Variants in ABCD4 observed in about 807,000 individuals in gnomAD.
ABCD4 encodes ATP binding cassette subfamily D member 4, also known as lysosomal cobalamin transporter ABCD4.
In ABCD4, 53 loss-of-function variants were observed where a neutral mutation model predicts 86.3. The ratio of observed to expected loss-of-function variants is 0.61; its 90% CI spans 0.49 to 0.77. The LOEUF (loss-of-function observed/expected upper bound fraction) is 0.77, where lower values mean the gene tolerates loss of function less well. Ranked by LOEUF, ABCD4 falls within the 30% of genes least tolerant of loss-of-function variation. The pLI is 0.00. For synonymous variants in ABCD4, 328 were observed against 313.6 expected, an observed-to-expected ratio of 1.05 and a Z score of -0.49; for missense variants, 757 against 764.5, an observed-to-expected ratio of 0.99 and a Z score of 0.12.
chr14:74,300,291 G>C (rs771159587), intron 1 of ABCD4, 23 bp from the exon 2 acceptor site: 3 of 1,498,846 alleles, frequency 2.0e-6, no homozygotes, highest in Non-Finnish European at 2.8e-6. Flanking sequence ...TGGGGAGGCA[G>C]AGAAAAGCCC....
chr14:74,297,159 G>C (rs1273011229), intron 4 of ABCD4: 1 of 152,294 alleles, frequency 6.6e-6, no homozygotes, highest in Non-Finnish European at 1.5e-5. Context: ...CAAGTCACTT[G>C]CAATCTCTGG....
intron 3 of ABCD4, chr14:74,299,032 G>C (rs1378113542): frequency 6.4e-6 from 1 of 156,272 alleles, no homozygotes; most frequent in Non-Finnish European, 1.4e-5. Context: ...ACACAAAGGA[G>C]AAAGCTGAGA....
At chr14:74,300,372 T>C (rs962000380) in intron 1 of ABCD4, 104 bp from the exon 2 acceptor site, 31 of 725,482 alleles carry the variant, frequency 4.3e-5, no homozygotes, top group African/African-American at 8.9e-5. Context: ...GTCCAGGCCA[T>C]GCAGAAAGAA....
At chr14:74,297,896 CAG>C (rs1331623705) in intron 4 of ABCD4, 32 bp downstream of exon 4, 37 of 1,592,344 alleles carry the variant, frequency 2.3e-5, no homozygotes, top group Non-Finnish European at 3.0e-5. Context: ...AAGGACCACA[CAG>C]AGTGTAGAAA....
intron 11 of ABCD4, 106 bp downstream of exon 11, chr14:74,292,181 A>G (rs1456830220): frequency 9.6e-7 from 1 of 1,039,036 alleles, no homozygotes; most frequent in East Asian, 2.4e-5. Context: ...TTTACTCCTT[A>G]CAACTCTGCT....
intron 14 of ABCD4, 63 bp from the exon 15 acceptor site, chr14:74,288,828 G>A (rs2080582497): frequency 1.3e-6 from 2 of 1,579,546 alleles, no homozygotes; most frequent in Non-Finnish European, 1.7e-6. Flanking sequence ...AATAGACAGG[G>A]CAAGGCTGTG....
At position 74,296,522 on chromosome 14, in the gene ABCD4, C is replaced by T. The variant is rs959600427; in HGVS notation, c.426-73G>A. 4 of 1,348,178 alleles carry T rather than the reference C, an allele frequency of 3.0e-6. No homozygotes were observed. In the African/African-American group the frequency reaches 5.7e-5, roughly 19 times the overall value. 83.5% of individuals were successfully genotyped at this position (1,348,178 alleles called of 1,614,324 possible). ...AGGTAGAGAGAACAAGAAACTTTCA[C>T]ATCACCTCTGCTCTTGACCTTGCCT... On this transcript the variant is annotated intron_variant, in intron 4 of 18. Transcript: ENST00000356924.
chr14:74,302,836 C>G, intron 1 of ABCD4, 39 bp downstream of exon 1: 1 of 1,599,902 alleles, frequency 6.3e-7, no homozygotes, highest in African/African-American at 1.3e-5. Flanking sequence ...CAGCCCGGAA[C>G]TCCTGCTCCC....
rs574925291 is a variant in ABCD4 at position 74,296,427 on chromosome 14, C to T, written c.448G>A (p.Val150Met). ...DNPDQRISQD[V>M]ERFCRQLSSM... ...CTGAGCTGCCGGCAGAATCGCTCCA[C>T]GTCCTGGCTGATGCGCTGGTCCCTG... Residue 150 changes from valine to methionine, a missense_variant, in exon 5 of 19, where the codon GTG (valine) becomes ATG (methionine). Coordinates refer to ENST00000356924, the MANE Select transcript of ABCD4 (RefSeq NM_005050.4). 5.6e-5 allele frequency: 90 copies of T among 1,614,092 alleles called. No individual in the cohort carries two copies. The highest frequency in any genetic ancestry group is 1.9e-4 in the South Asian group (17 of 91,080).
chr14:74,286,216 T>C lies in ABCD4; in HGVS notation c.*245A>G, dbSNP rs1764609893. The C allele has an allele frequency of 6.3e-6, 3 of 473,608 alleles. No individual in the cohort carries two copies. In the South Asian group the frequency reaches 9.8e-5, roughly 16 times the overall value. 29.3% of individuals were successfully genotyped at this position (473,608 alleles called of 1,614,324 possible). A position where few individuals can be genotyped will look rare whatever the true frequency, so the allele number is the denominator to read the frequency against. ...TTGTAGGTAATCAGCACTTCAAGCA[T>C]ATGGAGGCTCTGGCTGAGGCAGCAG... is the stretch of plus-strand genomic sequence containing the variant. On this transcript the variant is annotated 3_prime_UTR_variant, in exon 19 of 19. Coordinates refer to ENST00000356924, the MANE Select transcript of ABCD4 (RefSeq NM_005050.4).
chr14:74,290,066 T>A lies in ABCD4; in HGVS notation c.1380A>T (p.Pro460=). ...DFGPHGVLFL[P]QKPFFTDGTL... Reference sequence around the variant, plus strand: ...TCCCGTCAGTGAAGAATGGCTTTTGTGGCAGGAATAGCACCCCATGGGGCC... The same window carrying A: ...TCCCGTCAGTGAAGAATGGCTTTTGAGGCAGGAATAGCACCCCATGGGGCC... Residue 460 remains proline (P), a synonymous_variant, in exon 13 of 19, where the codon CCA becomes CCT. Transcript: ENST00000356924. The A allele has an allele frequency of 6.2e-7, 1 of 1,614,136 alleles. No homozygotes were observed. Among genetic ancestry groups the A allele is most frequent in the Non-Finnish European group, 8.5e-7 (1 of 1,180,022 alleles).
chr14:74,286,917 G>A, intron 17 of ABCD4, 101 bp from the exon 18 acceptor site: 1 of 1,084,374 alleles, frequency 9.2e-7, no homozygotes, highest in Non-Finnish European at 1.3e-6. Context: ...CCCAGGGGAG[G>A]CTGAAAGCTG....
intron 5 of ABCD4, 69 bp downstream of exon 5, chr14:74,296,264 C>T (rs1463759382): frequency 8.1e-6 from 12 of 1,489,812 alleles, no homozygotes; most frequent in Non-Finnish European, 1.1e-5. Context: ...TTCTCTTGGA[C>T]CTTGACCTGG....
chr14:74,298,423 C>T (rs2083445325), intron 3 of ABCD4, among the ~76,000 whole-genome samples: 1 of 152,158 alleles, frequency 6.6e-6, no homozygotes, highest in Admixed American at 6.5e-5. Context: ...AGGCATGCAC[C>T]ACCACGCCCA....
intron 13 of ABCD4, 149 bp from the exon 14 acceptor site, chr14:74,289,668 C>T (rs1018078357): frequency 9.7e-5 from 142 of 1,461,430 alleles, no homozygotes; most frequent in Non-Finnish European, 1.2e-4. Flanking sequence ...AGGCTCTGGC[C>T]GGCAGACAGC....
chr14:74,296,338 G>A lies in ABCD4; in HGVS notation c.537C>T (p.Phe179=), dbSNP rs915304742. ...GGGGAGGAGGGAGGCTTCACCTTTG[G>A]AAGCACTGGTAAGTGTAGTAGACGA... ...FTLVYYTYQC[F]QSTGWLGPVS... The change falls in exon 5 of 19, where the codon TTC becomes TTT. Residue 179 remains phenylalanine, a synonymous_variant. Transcript: ENST00000356924. 3 of 1,613,964 alleles carry A rather than the reference G, an allele frequency of 1.9e-6. No homozygotes were observed. Among genetic ancestry groups the A allele is most frequent in the Admixed American group, 3.3e-5 (2 of 60,004 alleles).
At chr14:74,300,876 C>T (rs530454361) in intron 1 of ABCD4, among the ~76,000 whole-genome samples, 33 of 152,114 alleles carry the variant, frequency 2.2e-4, no homozygotes, top group South Asian at 1.0e-3. Context: ...TTTTTTGAGA[C>T]GGAGTTTTGC....
chr14:74,295,677 G>A (rs571201317), intron 6 of ABCD4, 177 bp downstream of exon 6: 51 of 776,274 alleles, frequency 6.6e-5, no homozygotes, highest in African/African-American at 1.1e-4. Context: ...AGTAGGCAAC[G>A]GTACCATTTC....
At chr14:74,301,263 G>A (rs2084420070) in intron 1 of ABCD4, among the ~76,000 whole-genome samples, 1 of 151,568 alleles carries the variant, frequency 6.6e-6, no homozygotes. Flanking sequence ...GGGTTCAAGC[G>A]ACTGTCCCAC....
Sources: gnomAD v4.1 joint callset for allele counts (sites outside exome capture counted in the v4.1 genomes callset) on GRCh38, gnomAD v4.1.1 for gene constraint, MANE v1.5 for transcripts, NCBI Gene and HGNC (gene_info 2026-07-23, HGNC 2026-07-21) for gene names.